The following WDHD1 variants were observed in gnomAD, a reference collection of about 807,000 sequenced individuals.
The protein encoded by WDHD1 is WD repeat and HMG-box DNA-binding protein 1.
Under a neutral mutation model 135.4 loss-of-function variants are expected in WDHD1, and 111 were observed. The ratio of observed to expected loss-of-function variants is 0.82; its 90% confidence interval spans 0.70 to 0.96. The LOEUF is 0.96. Among genes scored for constraint, WDHD1 ranks in the 40% least tolerant of loss-of-function variants. The pLI, the probability that WDHD1 is intolerant of heterozygous loss-of-function variation, is 0.00. For missense variants in WDHD1, 1,351 were observed against 1,336.3 expected (o/e 1.01, Z -0.17); for synonymous variants, 434 against 439.0 (o/e 0.99, Z 0.14).
In WDHD1 at chr14:55,027,085, C is replaced by G. The variant is rs1219801436; in HGVS notation, c.-74G>C. 1 of 391,438 alleles carries G rather than the reference C, an allele frequency of 2.6e-6. No individual in the cohort carries two copies. Among genetic ancestry groups the G allele is most frequent in the African/African-American group, 2.0e-5 (1 of 49,484 alleles). 24.2% of individuals were successfully genotyped at this position (391,438 alleles called of 1,614,324 possible). ...ACAAGAGCTGCTTCCCGCGCTTCGGCTCGCTCACCACACTGCGCCTGCGCC... is the reference window on the plus strand; with the variant it reads ...ACAAGAGCTGCTTCCCGCGCTTCGGGTCGCTCACCACACTGCGCCTGCGCC... On this transcript the variant is annotated 5_prime_UTR_variant, in exon 1 of 26. Transcript: ENST00000360586.
At chr14:54,951,042 G>A (rs965585587) in intron 24 of WDHD1, among the ~76,000 whole-genome samples, 23 of 152,086 alleles carry the variant, frequency 1.5e-4, no homozygotes, top group Admixed American at 2.0e-4. Flanking sequence ...ACAAGAGAAA[G>A]CAGAAAATAT....
chr14:55,007,231 T>TA (rs369698327), intron 7 of WDHD1, 49 bp downstream of exon 7: 135,903 of 1,041,574 alleles, frequency 0.13, 469 homozygotes, highest in Non-Finnish European at 0.14. Context: ...CCATCTCTAA[T>TA]AAAAAAAAAA....
chr14:54,979,795 T>G (rs1193338816), intron 16 of WDHD1, among the ~76,000 whole-genome samples: 6 of 152,252 alleles, frequency 3.9e-5, no homozygotes, highest in Non-Finnish European at 7.3e-5. Context: ...AGGTAACTAT[T>G]ATTGTTAGTT....
intron 5 of WDHD1, 27 bp downstream of exon 5, chr14:55,008,581 A>T: frequency 6.4e-7 from 1 of 1,564,318 alleles, no homozygotes; most frequent in Non-Finnish European, 8.6e-7. Flanking sequence ...CAGGAAAAAC[A>T]CAAAAAGAGA....
chr14:54,995,917 C>G (rs988088517), intron 10 of WDHD1, 104 bp from the exon 11 acceptor site: 1 of 812,816 alleles, frequency 1.2e-6, no homozygotes, highest in African/African-American at 1.7e-5. Context: ...TTCTACCAAG[C>G]AGCAAACTCA....
intron 23 of WDHD1, among the ~76,000 whole-genome samples, chr14:54,956,711 C>T (rs1168239990): frequency 2.6e-5 from 4 of 152,170 alleles, no homozygotes; most frequent in South Asian, 4.1e-4. Context: ...TAACAACTCA[C>T]GAGGCAGAAT....
chr14:55,004,820 C>T, intron 7 of WDHD1: 5 of 483,386 alleles, frequency 1.0e-5, no homozygotes, highest in South Asian at 7.6e-5. Flanking sequence ...AGCTTAAGAT[C>T]ACTCAGTGGT....
chr14:54,983,518 C>T (rs530633795), intron 15 of WDHD1, among the ~76,000 whole-genome samples: 80 of 151,770 alleles, frequency 5.3e-4, no homozygotes, highest in African/African-American at 1.9e-3. Context: ...ATTAAAAATA[C>T]AAAAATTAGC....
In WDHD1 at chr14:54,995,746, TCAC is replaced by T. The variant is rs777789717; in HGVS notation, c.1007_1009del (p.Gly336del). ...CTCAACTGCATTGTCATTTAGAAAA[TCAC>T]CAGCATTACTCATATCATCTCCATC... On this transcript the variant is annotated inframe_deletion, in exon 11 of 26. Transcript: ENST00000360586. 2.0e-4 allele frequency: 325 copies of T among 1,613,352 alleles called. No homozygotes were observed. The highest frequency in any genetic ancestry group is 2.6e-4 in the Non-Finnish European group (310 of 1,179,750).
intron 2 of WDHD1, among the ~76,000 whole-genome samples, chr14:55,017,789 T>G (rs762872279): frequency 2.0e-5 from 3 of 152,142 alleles, no homozygotes; most frequent in Non-Finnish European, 2.9e-5. Context: ...TTTTCAGATT[T>G]TATTTATATC....
intron 7 of WDHD1, chr14:55,005,016 C>T (rs1253476036): frequency 3.7e-6 from 2 of 544,814 alleles, no homozygotes; most frequent in African/African-American, 1.9e-5. Context: ...AGTCCATTCA[C>T]CCTGAAATTC....
At chr14:55,003,199 T>C (rs17253633) in intron 7 of WDHD1, among the ~76,000 whole-genome samples, 26,175 of 152,046 alleles carry the variant, frequency 0.17, 2,373 homozygotes, top group Admixed American at 0.22. Context: ...CACTTAAATC[T>C]AGAATGTACA....
intron 18 of WDHD1, among the ~76,000 whole-genome samples, chr14:54,966,260 G>A (rs561113387): frequency 1.0e-3 from 158 of 151,120 alleles, no homozygotes; most frequent in African/African-American, 3.5e-3. Flanking sequence ...GCGTGAACCC[G>A]GGAGGCAGAG....
intron 10 of WDHD1, 31 bp from the exon 11 acceptor site, chr14:54,995,844 A>G: frequency 2.0e-6 from 3 of 1,468,416 alleles, no homozygotes; most frequent in South Asian, 1.5e-5. Context: ...TTATAAAGTA[A>G]AAGTGAATGA....
intron 16 of WDHD1, among the ~76,000 whole-genome samples, chr14:54,972,487 A>G (rs2041453169): frequency 7.1e-6 from 1 of 141,818 alleles, no homozygotes; most frequent in East Asian, 2.3e-4. Flanking sequence ...GTAAAGCACG[A>G]GAATCTCTTG....
intron 12 of WDHD1, among the ~76,000 whole-genome samples, chr14:54,990,105 T>TA (rs1379238888): frequency 5.9e-5 from 9 of 152,078 alleles, no homozygotes; most frequent in Non-Finnish European, 1.2e-4. Context: ...TTGACACTAA[T>TA]AAAAAAATTA....
chr14:54,989,229 T>C lies in WDHD1; in HGVS notation c.1342-17A>G. On this transcript the variant is annotated splice_polypyrimidine_tract_variant and intron_variant, in intron 12 of 25. Coordinates refer to ENST00000360586, the MANE Select transcript of WDHD1 (RefSeq NM_007086.4). ...GTTCCACACCTACAAACAGGTAAGA[T>C]TAAATATAAGTCTGAGAAAAACTGA... 6.3e-7 allele frequency: 1 copy of C among 1,596,886 alleles called. No homozygotes were observed. Among genetic ancestry groups the C allele is most frequent in the Non-Finnish European group, 8.5e-7 (1 of 1,171,488 alleles).
Position 54,941,281 on chromosome 14 carries a change from T to A in WDHD1, c.*209A>T, listed in dbSNP as rs984226664. On this transcript the variant is annotated 3_prime_UTR_variant, in exon 26 of 26. Coordinates refer to ENST00000360586, the MANE Select transcript of WDHD1 (RefSeq NM_007086.4). ...CAATGCATCTCTGAAAGGCCCTGCATTTGGAGGCAGAGTAATCTGCAAAGA... is the reference window on the plus strand; with the variant it reads ...CAATGCATCTCTGAAAGGCCCTGCAATTGGAGGCAGAGTAATCTGCAAAGA... 13 of 403,190 alleles carry A rather than the reference T, an allele frequency of 3.2e-5. No individual in the cohort carries two copies. Among genetic ancestry groups the A allele is most frequent in the Admixed American group, 8.1e-5 (2 of 24,630 alleles). The allele number at this position is 403,190 out of a possible 1,614,324, so 25.0% of individuals were successfully genotyped here. A position where few individuals can be genotyped will look rare whatever the true frequency, so the allele number is the denominator to read the frequency against.
chr14:55,009,206 A>G (rs2042123427), intron 4 of WDHD1, among the ~76,000 whole-genome samples: 1 of 152,142 alleles, frequency 6.6e-6, no homozygotes, highest in African/African-American at 2.4e-5. Flanking sequence ...ACAAGTCAAG[A>G]TTTCCCATTA....
Sources: allele counts gnomAD v4.1 joint callset (sites outside exome capture counted in the v4.1 genomes callset), GRCh38; gene constraint gnomAD v4.1.1; transcripts MANE v1.5; gene names NCBI Gene and HGNC (gene_info 2026-07-23, HGNC 2026-07-21).